QKI: variants seen among roughly 807,000 people sequenced by gnomAD.
The protein encoded by QKI is KH domain-containing RNA-binding protein QKI.
QKI carries 10 observed loss-of-function variants against 39.0 expected under a neutral mutation model. The ratio of observed to expected loss-of-function variants is 0.26; its 90% CI spans 0.16 to 0.43. QKI has a LOEUF of 0.43. Among genes scored for constraint, QKI ranks in the 20% least tolerant of loss-of-function variants. The pLI, the probability that QKI is intolerant of heterozygous loss-of-function variation, is 1.00. For synonymous variants in QKI, 204 were observed against 155.4 expected (o/e 1.31, Z -2.33); for missense variants, 218 against 428.0 (o/e 0.51, Z 4.33).
At chr6:163,476,092 T>TA (rs2128224582) in intron 2 of QKI, among the ~76,000 whole-genome samples, 1 of 152,286 alleles carries the variant, frequency 6.6e-6, no homozygotes, top group East Asian at 1.9e-4. Context: ...AAAAAATGCT[T>TA]AGCTTCATTA....
chr6:163,512,311 A>G (rs371286217), intron 3 of QKI, among the ~76,000 whole-genome samples: 100 of 152,196 alleles, frequency 6.6e-4, no homozygotes, highest in Middle Eastern at 3.4e-3. Flanking sequence ...GTCTATTCCA[A>G]TTTGTACTAA....
chr6:163,562,443 T>A (rs1783090877), intron 5 of QKI, among the ~76,000 whole-genome samples: 1 of 152,216 alleles, frequency 6.6e-6, no homozygotes, highest in South Asian at 2.1e-4. Context: ...AAAAGTGAAT[T>A]TGAAGTGTAT....
chr6:163,415,904 G>T (rs772321729), intron 1 of QKI: 1 of 513,484 alleles, frequency 1.9e-6, no homozygotes, highest in South Asian at 1.4e-5. Context: ...AAGTCAGTGT[G>T]GGGCTCGTTA....
intron 3 of QKI, among the ~76,000 whole-genome samples, chr6:163,497,719 T>G (rs1017729618): frequency 6.6e-6 from 1 of 152,130 alleles, no homozygotes; most frequent in Non-Finnish European, 1.5e-5. Flanking sequence ...CTTCTCAGTA[T>G]AGCTTTTTGG....
intron 6 of QKI, 84 bp downstream of exon 6, chr6:163,563,803 T>A (rs1293160570): frequency 6.6e-7 from 1 of 1,525,418 alleles, no homozygotes; most frequent in Non-Finnish European, 8.8e-7. Flanking sequence ...TTTTATCAGT[T>A]TTAGAGAGGC....
intron 3 of QKI, among the ~76,000 whole-genome samples, chr6:163,520,274 A>G (rs1055741177): frequency 6.6e-6 from 1 of 152,178 alleles, no homozygotes; most frequent in Non-Finnish European, 1.5e-5. Context: ...AGGTGTTTGC[A>G]GTAAAGTATA....
At chr6:163,529,824 C>T (rs183597500) in intron 3 of QKI, among the ~76,000 whole-genome samples, 8 of 152,332 alleles carry the variant, frequency 5.3e-5, no homozygotes, top group Admixed American at 2.6e-4. Context: ...TAAAAATCCA[C>T]GCTGATTCAG....
chr6:163,448,912 A>T (rs1444839149), intron 1 of QKI, among the ~76,000 whole-genome samples: 1 of 152,160 alleles, frequency 6.6e-6, no homozygotes, highest in East Asian at 1.9e-4. Context: ...AGCCTTAATT[A>T]AAGTTTATTT....
chr6:163,415,060 G>A lies in QKI; in HGVS notation c.-134G>A. The A allele has an allele frequency of 1.5e-6, 1 of 645,698 alleles. No homozygotes were observed. The allele number at this position is 645,698 out of a possible 1,614,324, so 40.0% of individuals were successfully genotyped here. On this transcript the variant is annotated 5_prime_UTR_variant, in exon 1 of 8. Transcript: ENST00000361752. Reference sequence around the variant, plus strand: ...GGCCGCCCCGGGGCTCGGCGCGGGAGCCAGAGCGGGAGCCGGCGCGGAGCG... The same window carrying A: ...GGCCGCCCCGGGGCTCGGCGCGGGAACCAGAGCGGGAGCCGGCGCGGAGCG...
intron 1 of QKI, among the ~76,000 whole-genome samples, chr6:163,427,690 CGT>C (rs1316328937): frequency 3.3e-5 from 5 of 151,378 alleles, no homozygotes; most frequent in African/African-American, 4.9e-5. Context: ...TGTGTGCGCG[CGT>C]GTGTGTGTGA....
chr6:163,530,039 G>A (rs1780756861), intron 3 of QKI, among the ~76,000 whole-genome samples: 1 of 152,138 alleles, frequency 6.6e-6, no homozygotes, highest in South Asian at 2.1e-4. Flanking sequence ...TTATATTGAT[G>A]CAAAACTGTG....
intron 3 of QKI, among the ~76,000 whole-genome samples, chr6:163,495,494 C>G (rs1029657350): frequency 2.0e-5 from 3 of 152,166 alleles, no homozygotes; most frequent in Non-Finnish European, 2.9e-5. Flanking sequence ...TCCTTCATCC[C>G]TGTCTTAGAG....
intron 7 of QKI, chr6:163,567,686 G>GT: frequency 1.0e-6 from 1 of 984,930 alleles, no homozygotes; most frequent in Non-Finnish European, 1.2e-6. Context: ...TGTTTTCTAA[G>GT]TTTTTCCATC....
In QKI at chr6:163,573,967, A is replaced by G. The variant is rs1783839312; in HGVS notation, c.*3257A>G. 1.3e-5 allele frequency: 2 copies of G among 151,600 alleles called. No homozygotes were observed. Among genetic ancestry groups the G allele is most frequent in the Admixed American group, 1.3e-4 (2 of 15,200 alleles). 9.4% of individuals were successfully genotyped at this position (151,600 alleles called of 1,614,324 possible). A position where few individuals can be genotyped will look rare whatever the true frequency, so the allele number is the denominator to read the frequency against. ...TGTTTGTCAGCTGACAGTTTTGCAC[A>G]CTACTGTTAAAATGGCTTTGGTTAT... On this transcript the variant is annotated 3_prime_UTR_variant, in exon 8 of 8. Transcript: ENST00000361752.
chr6:163,421,875 G>A (rs1460964947), intron 1 of QKI, among the ~76,000 whole-genome samples: 2 of 151,856 alleles, frequency 1.3e-5, no homozygotes, highest in Non-Finnish European at 2.9e-5. Flanking sequence ...CTCCCGAGTA[G>A]CTGGGATTAC....
chr6:163,424,844 T>A (rs1788287864), intron 1 of QKI, among the ~76,000 whole-genome samples: 1 of 151,966 alleles, frequency 6.6e-6, no homozygotes, highest in East Asian at 1.9e-4. Context: ...TTAGCCAGGC[T>A]GGTCTCCAAC....
At chr6:163,489,157 GT>G (rs368383400) in intron 3 of QKI, among the ~76,000 whole-genome samples, 329 of 119,232 alleles carry the variant, frequency 2.8e-3, no homozygotes, top group Middle Eastern at 4.8e-3. Flanking sequence ...GCCTTTATTC[GT>G]TTTTTTTTTT....
intron 3 of QKI, among the ~76,000 whole-genome samples, chr6:163,523,543 A>G (rs1347354107): frequency 6.6e-6 from 1 of 152,236 alleles, no homozygotes; most frequent in Admixed American, 6.5e-5. Flanking sequence ...TACAGAAACC[A>G]TGGATTCCAT....
At chr6:163,470,021 G>A (rs905745695) in intron 2 of QKI, among the ~76,000 whole-genome samples, 5 of 152,088 alleles carry the variant, frequency 3.3e-5, no homozygotes, top group Admixed American at 2.0e-4. Flanking sequence ...AGGAAAATAG[G>A]ATACAATAGG....
Sources: gnomAD v4.1 joint callset for allele counts (sites outside exome capture counted in the v4.1 genomes callset) on GRCh38, gnomAD v4.1.1 for gene constraint, MANE v1.5 for transcripts, NCBI Gene and HGNC (gene_info 2026-07-23, HGNC 2026-07-21) for gene names.